Variants in MARK2 observed in about 807,000 individuals in gnomAD.
The protein encoded by MARK2 is serine/threonine-protein kinase MARK2.
In MARK2, 16 loss-of-function variants were observed where a neutral mutation model predicts 89.8. The observed-to-expected ratio is 0.18, with a 90% CI of 0.12 to 0.27. The LOEUF (loss-of-function observed/expected upper bound fraction) is 0.27, where lower values mean the gene tolerates loss of function less well. Ranked by LOEUF, MARK2 falls within the 10% of genes least tolerant of loss-of-function variation. The pLI is 1.00. For missense variants in MARK2, 621 were observed against 1,049.9 expected (o/e 0.59, Z 5.65); for synonymous variants, 382 against 399.5 (o/e 0.96, Z 0.52).
intron 1 of MARK2, 28 bp downstream of exon 1, chr11:63,839,588 T>C (rs1178393081): frequency 1.8e-5 from 26 of 1,460,626 alleles, no homozygotes; most frequent in Non-Finnish European, 2.4e-5. Context: ...CTCCCCGAAT[T>C]CTCTGGCTGG....
chr11:63,898,533 G>A (rs1940608172), intron 4 of MARK2, 75 bp from the exon 5 acceptor site: 1 of 1,170,136 alleles, frequency 8.5e-7, no homozygotes, highest in Non-Finnish European at 1.3e-6. Context: ...TTCCTAGGAT[G>A]CTCCTGGACA....
intron 1 of MARK2, among the ~76,000 whole-genome samples, chr11:63,861,924 CT>C (rs71039682): frequency 0.29 from 28,113 of 97,554 alleles, 4,775 homozygotes; most frequent in Middle Eastern, 0.46. Flanking sequence ...TTCTTTCTTT[CT>C]TTTTTTTTTT....
At chr11:63,849,617 G>A (rs1208211172) in intron 1 of MARK2, among the ~76,000 whole-genome samples, 3 of 152,170 alleles carry the variant, frequency 2.0e-5, no homozygotes, top group Non-Finnish European at 4.4e-5. Context: ...GCCCGGTGTG[G>A]TGTTGTACAC....
rs186634704 is a variant in MARK2, at chr11:63,882,645, C to G, written c.55-12514C>G. On this transcript the variant is annotated intron_variant, in intron 1 of 18. Transcript: ENST00000402010. The stretch of plus-strand genomic sequence containing the variant: ...ATCCTTGCACAGGGGCCATGCTAAT[C>G]TTCTCTTTATTGTTCCATTTTTTTG... 7.2e-5 allele frequency: 11 copies of G among 152,150 alleles called. No homozygotes were observed. In the East Asian group the frequency reaches 1.7e-3, roughly 24 times the overall value. 9.4% of individuals were successfully genotyped at this position (152,150 alleles called of 1,614,324 possible). A position where few individuals can be genotyped will look rare whatever the true frequency, so the allele number is the denominator to read the frequency against.
At chr11:63,867,027 GTTGT>G (rs1296126645) in intron 1 of MARK2, among the ~76,000 whole-genome samples, 2 of 152,150 alleles carry the variant, frequency 1.3e-5, no homozygotes, top group African/African-American at 2.4e-5. Context: ...TAAGGGTACA[GTTGT>G]TTGTTTATTT....
intron 1 of MARK2, among the ~76,000 whole-genome samples, chr11:63,883,465 C>T (rs535095755): frequency 2.0e-5 from 3 of 152,268 alleles, no homozygotes; most frequent in South Asian, 4.1e-4. Context: ...GCCCAGAGAA[C>T]CCTTGGAGAG....
chr11:63,856,732 A>G (rs377035125), intron 1 of MARK2, among the ~76,000 whole-genome samples: 4 of 55,648 alleles, frequency 7.2e-5, no homozygotes, highest in African/African-American at 1.9e-4. Flanking sequence ...CTTGTTTTTT[A>G]TTTTTCTCAT....
intron 1 of MARK2, among the ~76,000 whole-genome samples, chr11:63,884,253 G>A (rs965969611): frequency 6.6e-6 from 1 of 152,260 alleles, no homozygotes; most frequent in African/African-American, 2.4e-5. Flanking sequence ...TTGCTCAGTA[G>A]AATCTAGTTT....
intron 1 of MARK2, among the ~76,000 whole-genome samples, chr11:63,850,646 A>G (rs997714353): frequency 5.3e-5 from 8 of 152,088 alleles, no homozygotes; most frequent in African/African-American, 1.9e-4. Flanking sequence ...GTTGCAAATG[A>G]TGGCGGTGGA....
At chr11:63,905,763 C>T (rs1425129519) in intron 16 of MARK2, among the ~76,000 whole-genome samples, 2 of 152,232 alleles carry the variant, frequency 1.3e-5, no homozygotes, top group African/African-American at 4.8e-5. Context: ...CCATTCCTCT[C>T]CCTGCCTTGG....
At chr11:63,852,027 C>G (rs555391784) in intron 1 of MARK2, among the ~76,000 whole-genome samples, 1 of 152,192 alleles carries the variant, frequency 6.6e-6, no homozygotes, top group Non-Finnish European at 1.5e-5. Context: ...TCAGGTGATG[C>G]ACGAAGTCAA....
chr11:63,865,320 C>T (rs2135250454), intron 1 of MARK2, among the ~76,000 whole-genome samples: 1 of 152,164 alleles, frequency 6.6e-6, no homozygotes, highest in African/African-American at 2.4e-5. Flanking sequence ...CTCACTGCAG[C>T]CTCGGCCCCC....
intron 1 of MARK2, among the ~76,000 whole-genome samples, chr11:63,889,686 C>T (rs1354661947): frequency 6.6e-6 from 1 of 152,262 alleles, no homozygotes; most frequent in African/African-American, 2.4e-5. Context: ...GTAGCAGACC[C>T]CAAAGCTGTT....
chr11:63,909,378 A>T lies in MARK2; in HGVS notation c.*141A>T. The T allele has an allele frequency of 3.5e-6, 3 of 867,246 alleles. No homozygotes were observed. The highest frequency in any genetic ancestry group is 5.0e-6 in the Non-Finnish European group (3 of 602,008). The allele number at this position is 867,246 out of a possible 1,614,324, so 53.7% of individuals were successfully genotyped here. On this transcript the variant is annotated 3_prime_UTR_variant, in exon 19 of 19. Transcript: ENST00000402010. ...ACTTCTCCCCTCCCTGGCCCTTCTC[A>T]GTTTTCTCTTACATGTTTGTGGGGG...
chr11:63,878,811 G>GT (rs1332372116), intron 1 of MARK2, among the ~76,000 whole-genome samples: 1 of 152,074 alleles, frequency 6.6e-6, no homozygotes, highest in African/African-American at 2.4e-5. Context: ...CTGGGCTATG[G>GT]TTTAAGTCTT....
chr11:63,904,553 A>G lies in MARK2; in HGVS notation c.1677-233A>G, dbSNP rs995686614. Reference sequence around the variant, plus strand: ...CTCCAGCCTAAACCACACTCCACACAGGGGTCCTTCCTTGCCTCCCTCCCT... The same window carrying G: ...CTCCAGCCTAAACCACACTCCACACGGGGGTCCTTCCTTGCCTCCCTCCCT... On this transcript the variant is annotated intron_variant, in intron 15 of 18. Coordinates refer to ENST00000402010, the MANE Select transcript of MARK2 (RefSeq NM_001039469.3). This position sits in a 1 kb window ranked among gnomAD's most constrained non-coding sequence, Gnocchi z 6.3. 1.1e-4 allele frequency among the ~76,000 whole-genome samples: 17 copies of G among 151,910 alleles called. No homozygotes were observed. The highest frequency in any genetic ancestry group is 5.9e-4 in the Admixed American group (9 of 15,268).
intron 16 of MARK2, 129 bp downstream of exon 16, chr11:63,905,172 G>A (rs1256893678): frequency 2.7e-6 from 3 of 1,093,812 alleles, no homozygotes; most frequent in African/African-American, 1.6e-5. Flanking sequence ...GGTTAGAAGA[G>A]GCTTCAGGAA....
chr11:63,879,463 C>T (rs1275131302), intron 1 of MARK2, among the ~76,000 whole-genome samples: 1 of 152,056 alleles, frequency 6.6e-6, no homozygotes. Flanking sequence ...CTGTGATTGC[C>T]TTGAGGGGCA....
intron 1 of MARK2, among the ~76,000 whole-genome samples, chr11:63,894,406 A>G (rs2135323584): frequency 6.6e-6 from 1 of 152,216 alleles, no homozygotes; most frequent in East Asian, 1.9e-4. Flanking sequence ...TACCCAACAA[A>G]GTTATTATGG....
Sources: allele counts gnomAD v4.1 joint callset (sites outside exome capture counted in the v4.1 genomes callset), GRCh38; gene constraint gnomAD v4.1.1; non-coding constraint Gnocchi (gnomAD v3.1); transcripts MANE v1.5; gene names NCBI Gene and HGNC (gene_info 2026-07-23, HGNC 2026-07-21).